The following NLGN4X variants were observed in gnomAD, a reference collection of about 807,000 sequenced individuals.
The protein encoded by NLGN4X is neuroligin-4, X-linked.
NLGN4X carries 3 observed loss-of-function variants against 40.3 expected under a neutral mutation model. The observed-to-expected ratio is 0.07, with a 90% CI of 0.03 to 0.19. The LOEUF (loss-of-function observed/expected upper bound fraction) is 0.19. Ranked by LOEUF, NLGN4X falls within the 10% of genes least tolerant of loss-of-function variation. The pLI is 1.00. For missense variants in NLGN4X, 382 were observed against 708.3 expected (o/e 0.54, Z 5.23); for synonymous variants, 270 against 306.8 (o/e 0.88, Z 1.25).
intron 3 of NLGN4X, among the ~76,000 whole-genome samples, chrX:5,941,065 C>G (rs908459965): frequency 4.7e-5 from 5 of 106,706 alleles, no homozygotes; most frequent in African/African-American, 1.7e-4. Flanking sequence ...GAGGTCGAGG[C>G]TGCAGTGAGC....
intron 1 of NLGN4X, among the ~76,000 whole-genome samples, chrX:6,208,699 C>G (rs5961412): frequency 0.1 from 11,255 of 111,580 alleles, 446 homozygotes; most frequent in South Asian, 0.16. Context: ...AGACTGTCTG[C>G]AGACATTGTG....
At chrX:6,095,732 T>C (rs1327178818) in intron 2 of NLGN4X, among the ~76,000 whole-genome samples, 1 of 111,652 alleles carries the variant, frequency 9.0e-6, no homozygotes, top group Non-Finnish European at 1.9e-5. Context: ...GTTGTCACAA[T>C]TAAGGATGGG....
chrX:6,114,521 A>AAC (rs529608747), intron 2 of NLGN4X, among the ~76,000 whole-genome samples: 13,188 of 95,506 alleles, frequency 0.14, 789 homozygotes, highest in Admixed American at 0.16. Flanking sequence ...CAAAGTGGCA[A>AAC]ACACACACAC....
In NLGN4X at chrX:6,228,284, G is replaced by T. The variant is rs1259873333; in HGVS notation, c.-306+257C>A. ...TAAAACCAAATATTTCTGTGGAGAGGTTGCATGTAAAAACCGTATGAAGGT... is the reference window on the plus strand; with the variant it reads ...TAAAACCAAATATTTCTGTGGAGAGTTTGCATGTAAAAACCGTATGAAGGT... On this transcript the variant is annotated intron_variant, in intron 1 of 5. Transcript: ENST00000381095. Among the ~76,000 whole-genome samples the T allele has an allele frequency of 6.3e-5, 7 of 111,413 alleles. No homozygotes were observed. In the Admixed American group the frequency reaches 6.7e-4, roughly 11 times the overall value.
At chrX:5,953,167 T>A (rs1375282644) in intron 3 of NLGN4X, among the ~76,000 whole-genome samples, 2 of 110,467 alleles carry the variant, frequency 1.8e-5, no homozygotes, top group Non-Finnish European at 3.8e-5. Context: ...GCTCGGGAGT[T>A]TGAGACCAGC....
At chrX:6,056,386 G>T (rs2037628685) in intron 2 of NLGN4X, among the ~76,000 whole-genome samples, 1 of 110,410 alleles carries the variant, frequency 9.1e-6, no homozygotes. Context: ...TGAGGCAGGA[G>T]AACTGTTTGA....
chrX:5,938,974 T>C (rs2033824630), intron 3 of NLGN4X, among the ~76,000 whole-genome samples: 1 of 110,035 alleles, frequency 9.1e-6, no homozygotes, highest in Non-Finnish European at 1.9e-5. Context: ...TGCGTGTGTG[T>C]GTGTGTGTGT....
intron 2 of NLGN4X, among the ~76,000 whole-genome samples, chrX:6,077,305 T>TG (rs2038229888): frequency 5.0e-5 from 5 of 99,549 alleles, no homozygotes; most frequent in Admixed American, 2.2e-4. Context: ...TCTGTGTGTG[T>TG]GTGTGGTGTG....
intron 1 of NLGN4X, among the ~76,000 whole-genome samples, chrX:6,175,254 A>T (rs753501636): frequency 4.2e-4 from 47 of 111,555 alleles, no homozygotes; most frequent in African/African-American, 1.5e-3. Context: ...CTTGAATTTT[A>T]AAAAATAATA....
chrX:5,969,693 T>C (rs923047087), intron 3 of NLGN4X, among the ~76,000 whole-genome samples: 1 of 111,012 alleles, frequency 9.0e-6, no homozygotes. Context: ...CAAAGGATTA[T>C]AAATCATGCT....
chrX:6,131,019 T>C (rs2039667950), intron 2 of NLGN4X, among the ~76,000 whole-genome samples: 1 of 111,804 alleles, frequency 8.9e-6, no homozygotes, highest in Admixed American at 9.5e-5. Flanking sequence ...CAAGCAATAG[T>C]AAATACATGT....
intron 3 of NLGN4X, among the ~76,000 whole-genome samples, chrX:5,918,762 A>G (rs1252444666): frequency 8.9e-6 from 1 of 112,235 alleles, no homozygotes; most frequent in Non-Finnish European, 1.9e-5. Context: ...CTCAGCCACA[A>G]TGCATAACTG....
chrX:5,963,231 AGAATGACACTAGAAATATGGACAG>A (rs1248391941), intron 3 of NLGN4X, among the ~76,000 whole-genome samples: 6 of 111,239 alleles, frequency 5.4e-5, no homozygotes, highest in Non-Finnish European at 9.4e-5. Flanking sequence ...AATTTTGAAC[AGAATGACACTAGAAATATGGACAG>A]GAAGCTCCAT....
chrX:6,196,198 G>T (rs1923028094), intron 1 of NLGN4X, among the ~76,000 whole-genome samples: 1 of 105,770 alleles, frequency 9.5e-6, no homozygotes, highest in Non-Finnish European at 1.9e-5. Context: ...GAAACTAATT[G>T]TATCTGTGTG....
chrX:6,070,927 T>C lies in NLGN4X; in HGVS notation c.473-41495A>G, dbSNP rs773383253. On this transcript the variant is annotated intron_variant, in intron 2 of 5. Coordinates refer to ENST00000381095, the MANE Select transcript of NLGN4X (RefSeq NM_181332.3). Reference sequence around the variant, plus strand: ...GGAGACCACCCCCATGATCCAATCATCTCCCGCCAGATTCCTCCCTCAACA... The same window carrying C: ...GGAGACCACCCCCATGATCCAATCACCTCCCGCCAGATTCCTCCCTCAACA... Among the ~76,000 whole-genome samples, 22 of 111,368 alleles carry C rather than the reference T, an allele frequency of 2.0e-4. No homozygotes were observed. The South Asian group carries it at 8.1e-3, about 41-fold the overall frequency.
At chrX:5,912,238 A>G (rs1250040786) in intron 3 of NLGN4X, among the ~76,000 whole-genome samples, 1 of 111,232 alleles carries the variant, frequency 9.0e-6, no homozygotes, top group East Asian at 2.8e-4. Context: ...TGCATTTCTG[A>G]CAACTGATTG....
chrX:6,150,938 A>C, intron 2 of NLGN4X, 57 bp downstream of exon 2: 2 of 992,141 alleles, frequency 2.0e-6, no homozygotes, highest in Non-Finnish European at 2.9e-6. Flanking sequence ...CCCTCCTAGC[A>C]AATCTCTCTA....
intron 3 of NLGN4X, among the ~76,000 whole-genome samples, chrX:5,943,123 G>A (rs1257153106): frequency 1.8e-5 from 2 of 111,478 alleles, no homozygotes; most frequent in African/African-American, 6.5e-5. Context: ...GGAGACAAGA[G>A]GTAGAAAAGG....
At chrX:6,182,467 AC>A (rs2147806581) in intron 1 of NLGN4X, among the ~76,000 whole-genome samples, 2 of 111,585 alleles carry the variant, frequency 1.8e-5, no homozygotes, top group African/African-American at 6.5e-5. Flanking sequence ...AACTAAGATG[AC>A]CCCTGAGATG....
Sources: allele counts gnomAD v4.1 joint callset (sites outside exome capture counted in the v4.1 genomes callset), GRCh38; gene constraint gnomAD v4.1.1; transcripts MANE v1.5; gene names NCBI Gene and HGNC (gene_info 2026-07-23, HGNC 2026-07-21).